The following SOX5 variants were observed in gnomAD, a reference collection of about 807,000 sequenced individuals.
SOX5 encodes SRY-box transcription factor 5.
A neutral mutation model predicts 92.0 loss-of-function variants in SOX5; 9 were observed. The ratio of observed to expected loss-of-function variants is 0.10; its 90% CI spans 0.06 to 0.17. The LOEUF (loss-of-function observed/expected upper bound fraction) is 0.17, where lower values mean the gene tolerates loss of function less well. SOX5 is among the 10% of genes least tolerant of loss of function. SOX5 has a pLI of 1.00. For missense variants in SOX5, 642 were observed against 944.5 expected (o/e 0.68, Z 4.20); for synonymous variants, 344 against 336.3 (o/e 1.02, Z -0.25).
At chr12:23,643,347 G>A (rs1404924375) in intron 7 of SOX5, among the ~76,000 whole-genome samples, 4 of 152,176 alleles carry the variant, frequency 2.6e-5, no homozygotes, top group Admixed American at 6.5e-5. Flanking sequence ...AAAGGGTGTT[G>A]TTGCGGGGAA....
At chr12:24,283,035 T>C (rs901842585) in intron 2 of SOX5, among the ~76,000 whole-genome samples, 36 of 152,266 alleles carry the variant, frequency 2.4e-4, no homozygotes, top group African/African-American at 8.7e-4. Context: ...TTAACTTGTA[T>C]GTTAGTACAG....
intron 4 of SOX5, among the ~76,000 whole-genome samples, chr12:24,091,424 T>C (rs1944623645): frequency 1.6e-5 from 2 of 126,934 alleles, no homozygotes; most frequent in Non-Finnish European, 3.3e-5. Flanking sequence ...AAATAGAGAA[T>C]GCTATTTTTT....
intron 4 of SOX5, among the ~76,000 whole-genome samples, chr12:24,000,839 G>A (rs1951528771): frequency 6.6e-6 from 1 of 152,110 alleles, no homozygotes; most frequent in East Asian, 1.9e-4. Context: ...TAGGTTGAAA[G>A]CAAAATGATG....
Position 24,559,396 on chromosome 12 carries a change from T to C in SOX5, c.-251+2933A>G, listed in dbSNP as rs191650172. Among the ~76,000 whole-genome samples, 10 of 152,292 alleles carry C rather than the reference T, an allele frequency of 6.6e-5. No individual in the cohort carries two copies. In the East Asian group the frequency reaches 1.9e-3, roughly 29 times the overall value. Reference sequence around the variant, plus strand: ...TCTAAACAGTATTCAACATTAGAACTCTCCGTTATTTGAAATCCAGTGTAT... The same window carrying C: ...TCTAAACAGTATTCAACATTAGAACCCTCCGTTATTTGAAATCCAGTGTAT... On this transcript the variant is annotated intron_variant, in intron 1 of 4. Transcript: ENST00000446891.
intron 8 of SOX5, among the ~76,000 whole-genome samples, chr12:23,629,758 C>A (rs1479362891): frequency 6.6e-6 from 1 of 151,914 alleles, no homozygotes; most frequent in Non-Finnish European, 1.5e-5. Context: ...TTCATTCATT[C>A]TCTTTCATTT....
chr12:24,197,004 C>G (rs1031401166), intron 4 of SOX5, among the ~76,000 whole-genome samples: 1 of 152,154 alleles, frequency 6.6e-6, no homozygotes, highest in Admixed American at 6.5e-5. Flanking sequence ...CTTCTTCCTG[C>G]AGATAACATT....
At chr12:23,588,035 G>A (rs1437618590) in intron 9 of SOX5, among the ~76,000 whole-genome samples, 1 of 152,006 alleles carries the variant, frequency 6.6e-6, no homozygotes, top group East Asian at 1.9e-4. Flanking sequence ...TTGTCTTCAT[G>A]GCAGTGACCA....
chr12:23,700,629 T>G (rs552323738), intron 6 of SOX5, among the ~76,000 whole-genome samples: 1 of 152,158 alleles, frequency 6.6e-6, no homozygotes, highest in East Asian at 1.9e-4. Flanking sequence ...GCCACTACAA[T>G]TTTAAATGTC....
intron 9 of SOX5, chr12:23,582,242 C>A: frequency 1.0e-6 from 1 of 984,998 alleles, no homozygotes; most frequent in African/African-American, 1.7e-5. Context: ...TTTCACCTCT[C>A]CTACCCAAAT....
chr12:24,198,983 G>A (rs183029041), intron 4 of SOX5, among the ~76,000 whole-genome samples: 5 of 151,860 alleles, frequency 3.3e-5, no homozygotes, highest in African/African-American at 1.2e-4. Flanking sequence ...AACTAAGGCA[G>A]GGAGAAAAGA....
intron 1 of SOX5, among the ~76,000 whole-genome samples, chr12:24,508,375 A>T (rs1948999055): frequency 6.6e-6 from 1 of 152,182 alleles, no homozygotes; most frequent in Admixed American, 6.5e-5. Flanking sequence ...GGAAAGAAAG[A>T]ATAAGAATCA....
At chr12:24,275,108 T>C (rs978556444) in intron 3 of SOX5, among the ~76,000 whole-genome samples, 1 of 152,170 alleles carries the variant, frequency 6.6e-6, no homozygotes, top group East Asian at 1.9e-4. Context: ...GAGATATATA[T>C]AGTGTCTTAA....
At chr12:24,456,469 T>G (rs766694873) in intron 1 of SOX5, among the ~76,000 whole-genome samples, 3 of 152,154 alleles carry the variant, frequency 2.0e-5, no homozygotes, top group Non-Finnish European at 2.9e-5. Flanking sequence ...ATGAGAGAGA[T>G]TTAAGGCATC....
At chr12:24,385,042 C>G (rs1958238234) in intron 1 of SOX5, among the ~76,000 whole-genome samples, 2 of 152,052 alleles carry the variant, frequency 1.3e-5, no homozygotes, top group South Asian at 4.2e-4. Context: ...GAGAGACAGA[C>G]CACATTCATA....
At chr12:23,534,704 CTTTTT>C (rs60460683) in intron 14 of SOX5, among the ~76,000 whole-genome samples, 182 bp from the exon 15 acceptor site, 65 of 108,826 alleles carry the variant, frequency 6.0e-4, no homozygotes, top group Non-Finnish European at 8.7e-4. Flanking sequence ...CTTTTCTTTT[CTTTTT>C]TTTTTTTTTT....
At chr12:23,929,329 C>T (rs1173509705) in intron 1 of SOX5, among the ~76,000 whole-genome samples, 2 of 151,898 alleles carry the variant, frequency 1.3e-5, no homozygotes, top group African/African-American at 4.8e-5. Flanking sequence ...AAAAGCAAAA[C>T]TATCAGTTAA....
At chr12:24,526,462 G>A (rs558245766) in intron 1 of SOX5, among the ~76,000 whole-genome samples, 6 of 152,272 alleles carry the variant, frequency 3.9e-5, no homozygotes, top group South Asian at 2.1e-4. Flanking sequence ...AAACGCAAAC[G>A]CAGAGTATAT....
chr12:24,521,321 C>T (rs562596017), intron 1 of SOX5, among the ~76,000 whole-genome samples: 45 of 152,296 alleles, frequency 3.0e-4, no homozygotes, highest in Admixed American at 9.8e-4. Flanking sequence ...TCCCAAAGTG[C>T]TGGGATTACA....
intron 3 of SOX5, among the ~76,000 whole-genome samples, chr12:24,271,554 C>G (rs1172168034): frequency 6.6e-6 from 1 of 152,138 alleles, no homozygotes; most frequent in Non-Finnish European, 1.5e-5. Context: ...GAATCCTTCT[C>G]TACTCCTAAG....
Sources: allele counts gnomAD v4.1 joint callset (sites outside exome capture counted in the v4.1 genomes callset), GRCh38; gene constraint gnomAD v4.1.1; transcripts MANE v1.5; gene names NCBI Gene and HGNC (gene_info 2026-07-23, HGNC 2026-07-21).